The following CFAP251 variants were observed in gnomAD, a reference collection of about 807,000 sequenced individuals.
CFAP251 encodes the protein cilia and flagella associated protein 251, also known as cilia- and flagella-associated protein 251.
Under a neutral mutation model 126.7 loss-of-function variants are expected in CFAP251, and 93 were observed. That is an observed-to-expected ratio of 0.73 (90% CI 0.62 to 0.87). The LOEUF (loss-of-function observed/expected upper bound fraction) is 0.87. Ranked by LOEUF, CFAP251 falls within the 40% of genes least tolerant of loss-of-function variation. CFAP251 has a pLI of 0.00. For synonymous variants in CFAP251, 503 were observed against 506.9 expected (o/e 0.99, Z 0.10); for missense variants, 1,287 against 1,389.2 (o/e 0.93, Z 1.17).
chr12:121,940,154 T>C (rs538368891), intron 5 of CFAP251, among the ~76,000 whole-genome samples: 3 of 152,342 alleles, frequency 2.0e-5, no homozygotes, highest in African/African-American at 7.2e-5. Context: ...ACAAATCTAA[T>C]CTGTTAGCAA....
At chr12:122,000,604 C>T (rs1044325840) in intron 20 of CFAP251, among the ~76,000 whole-genome samples, 2 of 151,596 alleles carry the variant, frequency 1.3e-5, no homozygotes, top group African/African-American at 4.8e-5. Flanking sequence ...ATTTGGATTG[C>T]ATTTGTGAAA....
At position 121,918,935 on chromosome 12, in the gene CFAP251, A is replaced by C. The variant is rs1021948108; in HGVS notation, c.-21+240A>C. Among the ~76,000 whole-genome samples, 12 of 152,002 alleles carry C rather than the reference A, an allele frequency of 7.9e-5. No homozygotes were observed. The highest frequency in any genetic ancestry group is 2.9e-4 in the African/African-American group (12 of 41,412). On this transcript the variant is annotated intron_variant, in intron 1 of 21. Transcript: ENST00000288912. This position sits in a 1 kb window ranked among gnomAD's most constrained non-coding sequence, Gnocchi z 4.3. ...CCCTGCGGCTCGAACCCGGCTGTCC[A>C]GACGCGCCGGCGAAGTTGGGCTCAG...
At chr12:121,969,992 A>T in intron 17 of CFAP251, 1 of 979,476 alleles carries the variant, frequency 1.0e-6, no homozygotes, top group Non-Finnish European at 1.2e-6. Context: ...ACTTAATATG[A>T]TCAGCACTTC....
chr12:121,959,068 C>A lies in CFAP251; in HGVS notation c.2107C>A (p.His703Asn), dbSNP rs758377242. The A allele has an allele frequency of 6.2e-7, 1 of 1,606,338 alleles. No homozygotes were observed. The highest frequency in any genetic ancestry group is 1.3e-5 in the African/African-American group (1 of 74,518). ...CAGTGTGACTCATATAAGCTTTTCC[C>A]ATGACTCCCAGTATATGGCAACTGC... ...RTSVTHISFS[H>N]DSQYMATADR... The change falls in exon 13 of 22, where the codon CAT becomes AAT. Residue 703 changes from histidine to asparagine, a missense_variant. Transcript: ENST00000288912.
intron 5 of CFAP251, among the ~76,000 whole-genome samples, chr12:121,939,418 G>T (rs1881017923): frequency 6.6e-6 from 1 of 152,146 alleles, no homozygotes; most frequent in Non-Finnish European, 1.5e-5. Flanking sequence ...TCATGCAGTA[G>T]AAGCCTGCAG....
chr12:121,923,320 G>A (rs1243432528), intron 2 of CFAP251, among the ~76,000 whole-genome samples: 2 of 152,082 alleles, frequency 1.3e-5, no homozygotes, highest in African/African-American at 4.8e-5. Flanking sequence ...ACCACGCCCA[G>A]CTAATTTTGT....
chr12:122,003,537 C>CG (rs1364651970), intron 21 of CFAP251, 115 bp from the exon 22 acceptor site: 2 of 712,544 alleles, frequency 2.8e-6, no homozygotes, highest in African/African-American at 3.7e-5. Flanking sequence ...CGTGTCACTG[C>CG]ACTCCAGCCT....
intron 7 of CFAP251, among the ~76,000 whole-genome samples, chr12:121,943,936 T>A (rs11043256): frequency 3.3e-5 from 5 of 152,042 alleles, no homozygotes; most frequent in Non-Finnish European, 7.4e-5. Flanking sequence ...ATCACCCACC[T>A]GGCAGTCTTT....
At position 121,998,889 on chromosome 12, in the gene CFAP251, C is replaced by CAAAAAAA. The variant is rs60289920; in HGVS notation, c.3007-804_3007-798dup. 2.9e-4 allele frequency: 9 copies of CAAAAAAA among 30,600 alleles called. 1 individual carries two copies. Among genetic ancestry groups the CAAAAAAA allele is most frequent in the African/African-American group, 8.0e-4 (8 of 10,002 alleles). The allele number at this position is 30,600 out of a possible 1,614,324, so 1.9% of individuals were successfully genotyped here. A position where few individuals can be genotyped will look rare whatever the true frequency, so the allele number is the denominator to read the frequency against. ...TGGGTCAAAGAGTGAGACCCTGTAT[C>CAAAAAAA]AAAAAAAAAAAAAAAAAAAAAAAAA... On this transcript the variant is annotated intron_variant, in intron 19 of 21. Coordinates refer to ENST00000288912, the MANE Select transcript of CFAP251 (RefSeq NM_144668.6).
intron 17 of CFAP251, chr12:121,969,069 G>T: frequency 2.0e-6 from 2 of 985,310 alleles, no homozygotes; most frequent in Non-Finnish European, 2.4e-6. Context: ...GGCCTCTCTC[G>T]GTAGTGTGAC....
At chr12:121,922,299 G>A (rs1275074217) in intron 2 of CFAP251, among the ~76,000 whole-genome samples, 3 of 151,432 alleles carry the variant, frequency 2.0e-5, no homozygotes, top group Non-Finnish European at 4.4e-5. Flanking sequence ...AGTAGAGGCA[G>A]GCTGTCACTT....
At chr12:122,001,400 T>C in intron 20 of CFAP251, 97 bp from the exon 21 acceptor site, 1 of 1,142,124 alleles carries the variant, frequency 8.8e-7, no homozygotes, top group South Asian at 1.3e-5. Flanking sequence ...AATAGTGGGA[T>C]AATTCTCTTT....
chr12:121,929,226 C>T (rs1222516785), intron 3 of CFAP251, among the ~76,000 whole-genome samples: 1 of 150,338 alleles, frequency 6.7e-6, no homozygotes, highest in Non-Finnish European at 1.5e-5. Flanking sequence ...GAGGCTGAGG[C>T]AGGAGACTCT....
chr12:121,942,934 C>T lies in CFAP251; in HGVS notation c.1150C>T (p.Pro384Ser). The change falls in exon 7 of 22, where the codon CCA becomes TCA. Residue 384 changes from proline (P) to serine (S), a missense_variant. Pro to Ser is a moderately conservative substitution (Grantham distance 74, BLOSUM62 -1). Coordinates refer to ENST00000288912, the MANE Select transcript of CFAP251 (RefSeq NM_144668.6). ...GAAGTGGACTTTGGCAGTGGAAACG[C>T]CAGCATGCACTCTCGAACTCCCCAC... ...IWKWTLAVET[P>S]ACTLELPTEY... 1 of 1,614,202 alleles carries T rather than the reference C, an allele frequency of 6.2e-7. No homozygotes were observed. The highest frequency in any genetic ancestry group is 1.1e-5 in the South Asian group (1 of 91,088).
intron 17 of CFAP251, chr12:121,969,392 C>T (rs1172422683): frequency 2.0e-6 from 2 of 985,222 alleles, no homozygotes; most frequent in Non-Finnish European, 1.2e-6. Context: ...GGATCATGGC[C>T]TCAGAATGGC....
chr12:121,951,461 T>C lies in CFAP251; in HGVS notation c.1270-19T>C, dbSNP rs377635562. 1.2e-5 allele frequency: 18 copies of C among 1,519,062 alleles called. 1 individual carries two copies. The African/African-American group carries it at 2.2e-4, about 18-fold the overall frequency. The allele number at this position is 1,519,062 out of a possible 1,614,324, so 94.1% of individuals were successfully genotyped here. A position where few individuals can be genotyped will look rare whatever the true frequency, so the allele number is the denominator to read the frequency against. ...AAACTGGGTCTTTTTGAGTAGTGAT[T>C]ATTTTTTCCTCTTATCAGTATGAAG... is the stretch of plus-strand genomic sequence containing the variant. On this transcript the variant is annotated intron_variant, in intron 8 of 21. Coordinates refer to ENST00000288912, the MANE Select transcript of CFAP251 (RefSeq NM_144668.6).
At chr12:121,936,278 T>C (rs1238668227) in intron 5 of CFAP251, among the ~76,000 whole-genome samples, 2 of 152,052 alleles carry the variant, frequency 1.3e-5, no homozygotes, top group African/African-American at 4.8e-5. Flanking sequence ...TGAGACTCTG[T>C]CTCTACAAAA....
chr12:121,960,684 C>T lies in CFAP251; in HGVS notation c.2233C>T (p.Arg745Ter), dbSNP rs1018120311. The T allele has an allele frequency of 3.1e-6, 5 of 1,614,058 alleles. No individual in the cohort carries two copies. The highest frequency in any genetic ancestry group is 2.2e-5 in the East Asian group (1 of 44,880). The change falls in exon 14 of 22, where the codon CGA (arginine) becomes TGA (stop). Residue 745 changes from arginine (R) to a stop codon, truncating the protein, a stop_gained. Transcript: ENST00000288912. LOFTEE classifies it high-confidence loss of function. ...ARLRSHRKSIRSLLFGVYLDS... is the reference protein window; with the variant it reads ...ARLRSHRKSI ...ACTTCGCTCTCATCGCAAAAGCATT[C>T]GAAGTCTCCTGTTTGGGGTTTACCT...
intron 2 of CFAP251, 109 bp downstream of exon 2, chr12:121,921,792 C>CAT: frequency 5.0e-6 from 4 of 796,266 alleles, no homozygotes; most frequent in Non-Finnish European, 7.1e-6. Flanking sequence ...CAATCCATTC[C>CAT]TTTTTTTTTT....
Sources: allele counts gnomAD v4.1 joint callset (sites outside exome capture counted in the v4.1 genomes callset), GRCh38; gene constraint gnomAD v4.1.1; non-coding constraint Gnocchi (gnomAD v3.1); transcripts MANE v1.5; gene names NCBI Gene and HGNC (gene_info 2026-07-23, HGNC 2026-07-21).